SLC68A1: variants seen among roughly 807,000 people sequenced by gnomAD.
SLC68A1 encodes major facilitator superfamily domain containing 13A.
At chr10:102,469,940 C>T in the SLC68A1 span, 1 of 1,593,576 alleles carries the variant, frequency 6.3e-7, no homozygotes. Flanking sequence ...GGGGAGGAGC[C>T]CTGGAGAGGA....
At chr10:102,475,803 C>T in the SLC68A1 span, 1 of 1,613,988 alleles carries the variant, frequency 6.2e-7, no homozygotes, top group Non-Finnish European at 8.5e-7. Flanking sequence ...CCAGCCCCTG[C>T]ACAGGCCCCG....
the SLC68A1 span, chr10:102,468,986 G>A: frequency 6.8e-3 from 10,687 of 1,569,018 alleles, 47 homozygotes; most frequent in Non-Finnish European, 8.4e-3. Flanking sequence ...CTGTGGCCAT[G>A]AGCCCTCCCC....
At chr10:102,475,824 A>C in the SLC68A1 span, 9 of 1,613,962 alleles carry the variant, frequency 5.6e-6, no homozygotes, top group Non-Finnish European at 7.6e-6. Context: ...ACGCTCCGCC[A>C]GGGCTGCTTC....
chr10:102,475,963 C>T, the SLC68A1 span: 1 of 1,609,894 alleles, frequency 6.2e-7, no homozygotes, highest in Admixed American at 1.7e-5. Flanking sequence ...AGGCCCAAAC[C>T]CTGGATGTTA....
At chr10:102,473,705 C>T in the SLC68A1 span, 18 of 1,613,876 alleles carry the variant, frequency 1.1e-5, no homozygotes, top group African/African-American at 2.7e-5. Flanking sequence ...TTGGCCGGCC[C>T]GGACCACCTC....
chr10:102,476,661 A>G, the SLC68A1 span: 1 of 986,220 alleles, frequency 1.0e-6, no homozygotes, highest in Non-Finnish European at 1.2e-6. Context: ...GCTGGGCCAT[A>G]TGTGCTCAGG....
chr10:102,473,467 T>C, the SLC68A1 span: 1 of 1,196,268 alleles, frequency 8.4e-7, no homozygotes, highest in Non-Finnish European at 1.2e-6. Flanking sequence ...CAGAGCCCAG[T>C]GCATCGCTAG....
At chr10:102,463,034 G>A in the SLC68A1 span, among the ~76,000 whole-genome samples, 1 of 152,126 alleles carries the variant, frequency 6.6e-6, no homozygotes, top group African/African-American at 2.4e-5. Flanking sequence ...TGCTGCTGCT[G>A]TTCCCTAGGG....
the SLC68A1 span, chr10:102,470,752 C>G: frequency 6.2e-7 from 1 of 1,613,904 alleles, no homozygotes; most frequent in African/African-American, 1.3e-5. Flanking sequence ...CGCTGTCGTT[C>G]CTGGCGTTCT....
the SLC68A1 span, chr10:102,476,393 C>T: frequency 2.1e-6 from 1 of 470,170 alleles, no homozygotes; most frequent in Non-Finnish European, 2.8e-6. Flanking sequence ...TTAGTAGAGA[C>T]AGGGTTTCAC....
At chr10:102,473,636 T>C in the SLC68A1 span, 4 of 1,614,098 alleles carry the variant, frequency 2.5e-6, no homozygotes, top group Non-Finnish European at 3.4e-6. Context: ...CGCTGGGGCG[T>C]CTACGCGGTG....
chr10:102,475,375 T>A, the SLC68A1 span, among the ~76,000 whole-genome samples: 1 of 151,488 alleles, frequency 6.6e-6, no homozygotes, highest in Non-Finnish European at 1.5e-5. Flanking sequence ...AGCAGGGACA[T>A]CTTTGGGAGA....
At chr10:102,462,857 G>C in the SLC68A1 span, among the ~76,000 whole-genome samples, 2 of 152,060 alleles carry the variant, frequency 1.3e-5, no homozygotes, top group Non-Finnish European at 2.9e-5. Flanking sequence ...ATGTTCCTCT[G>C]TTATGATCAC....
the SLC68A1 span, among the ~76,000 whole-genome samples, chr10:102,466,763 C>T: frequency 3.3e-5 from 5 of 152,318 alleles, no homozygotes; most frequent in South Asian, 8.3e-4. Context: ...AATCACTGGG[C>T]ATCTGGGTAG....
the SLC68A1 span, among the ~76,000 whole-genome samples, chr10:102,475,397 C>A: frequency 6.6e-6 from 1 of 151,678 alleles, no homozygotes; most frequent in African/African-American, 2.4e-5. Context: ...TGGCAGAGGC[C>A]GTGGAGACTT....
chr10:102,475,588 G>T, the SLC68A1 span: 3 of 1,024,440 alleles, frequency 2.9e-6, no homozygotes, highest in African/African-American at 4.8e-5. Context: ...GAGAGGAGTG[G>T]GTTTGGAGGA....
At chr10:102,466,776 G>C in the SLC68A1 span, among the ~76,000 whole-genome samples, 1 of 152,118 alleles carries the variant, frequency 6.6e-6, no homozygotes, top group Non-Finnish European at 1.5e-5. Flanking sequence ...CTGGGTAGGC[G>C]GGGGGAGCCT....
chr10:102,462,830 C>T, the SLC68A1 span, among the ~76,000 whole-genome samples: 1 of 152,172 alleles, frequency 6.6e-6, no homozygotes, highest in Admixed American at 6.5e-5. Context: ...GCTGTGCACC[C>T]GGCGAAAGCT....
At chr10:102,471,340 C>G in the SLC68A1 span, 3 of 1,613,860 alleles carry the variant, frequency 1.9e-6, no homozygotes. Context: ...CCGGTATCTC[C>G]GGCAGCTGGC....
Sources: gnomAD v4.1 joint callset for allele counts (sites outside exome capture counted in the v4.1 genomes callset) on GRCh38, gnomAD v4.1.1 for gene constraint, MANE v1.5 for transcripts, NCBI Gene and HGNC (gene_info 2026-07-23, HGNC 2026-07-21) for gene names.